Variants in GMDS observed in about 807,000 individuals in gnomAD.
GMDS encodes the protein GDP-mannose 4,6 dehydratase.
Under a neutral mutation model 49.9 loss-of-function variants are expected in GMDS, and 20 were observed. The ratio of observed to expected loss-of-function variants is 0.40; its 90% CI spans 0.28 to 0.58. The LOEUF (loss-of-function observed/expected upper bound fraction) is 0.58, where lower values mean the gene tolerates loss of function less well. Ranked by LOEUF, GMDS falls within the 20% of genes least tolerant of loss-of-function variation. The pLI, the probability that GMDS is intolerant of heterozygous loss-of-function variation, is 0.42. For missense variants in GMDS, 362 were observed against 481.4 expected (o/e 0.75, Z 2.32); for synonymous variants, 177 against 178.6 (o/e 0.99, Z 0.07).
chr6:2,024,818 CTAAGT>C (rs1192229586), intron 4 of GMDS, among the ~76,000 whole-genome samples: 5 of 151,292 alleles, frequency 3.3e-5, no homozygotes, highest in African/African-American at 1.2e-4. Flanking sequence ...AAGACAACTC[CTAAGT>C]TAAAAAAAAT....
chr6:2,066,961 A>AT (rs1232342492), intron 4 of GMDS, among the ~76,000 whole-genome samples: 102 of 151,872 alleles, frequency 6.7e-4, no homozygotes, highest in African/African-American at 2.4e-3. Context: ...CAGAATATAC[A>AT]TTTTTTTCAG....
At chr6:1,748,880 T>G (rs904268281) in intron 7 of GMDS, among the ~76,000 whole-genome samples, 18 of 152,260 alleles carry the variant, frequency 1.2e-4, no homozygotes, top group Non-Finnish European at 2.4e-4. Flanking sequence ...CCTTATGATA[T>G]GCACAATGCA....
chr6:1,912,054 C>T (rs1435680691), intron 7 of GMDS, among the ~76,000 whole-genome samples: 1 of 151,996 alleles, frequency 6.6e-6, no homozygotes, highest in Non-Finnish European at 1.5e-5. Context: ...TAGAATCGAC[C>T]ATTTCTGATC....
At chr6:1,948,825 T>G (rs1354397790) in intron 6 of GMDS, among the ~76,000 whole-genome samples, 1 of 152,248 alleles carries the variant, frequency 6.6e-6, no homozygotes, top group African/African-American at 2.4e-5. Context: ...GAATGGCTTT[T>G]CCTGTGATTC....
intron 4 of GMDS, among the ~76,000 whole-genome samples, chr6:2,059,677 C>CA (rs1168526425): frequency 1.1e-5 from 1 of 95,054 alleles, no homozygotes; most frequent in African/African-American, 4.2e-5. Flanking sequence ...CACTGCACTC[C>CA]AGCCTGGGCG....
intron 9 of GMDS, among the ~76,000 whole-genome samples, chr6:1,638,590 T>A (rs1243644214): frequency 6.7e-6 from 1 of 149,802 alleles, no homozygotes; most frequent in East Asian, 2.0e-4. Flanking sequence ...GGGGCATTAT[T>A]CAAGGAAGTA....
At chr6:1,650,707 C>T (rs991129199) in intron 9 of GMDS, among the ~76,000 whole-genome samples, 2 of 151,978 alleles carry the variant, frequency 1.3e-5, no homozygotes, top group African/African-American at 4.8e-5. Context: ...TCTCGAGTAG[C>T]TGGATTACAG....
intron 9 of GMDS, among the ~76,000 whole-genome samples, chr6:1,658,511 T>C (rs566730244): frequency 6.6e-6 from 1 of 152,354 alleles, no homozygotes; most frequent in East Asian, 1.9e-4. Flanking sequence ...CTCTCCATCA[T>C]TATGGAATGC....
chr6:1,742,891 A>T (rs1009037919), intron 7 of GMDS, among the ~76,000 whole-genome samples: 2 of 152,218 alleles, frequency 1.3e-5, no homozygotes, highest in Non-Finnish European at 2.9e-5. Flanking sequence ...TCCTCAGACC[A>T]CAACGTAGAG....
chr6:1,627,484 G>A (rs559401856), intron 9 of GMDS, among the ~76,000 whole-genome samples: 2 of 152,316 alleles, frequency 1.3e-5, no homozygotes, highest in South Asian at 4.1e-4. Flanking sequence ...TGAGGAGTGA[G>A]AGGGGAGCGT....
intron 4 of GMDS, among the ~76,000 whole-genome samples, chr6:2,059,894 T>C (rs1771043334): frequency 6.6e-6 from 1 of 151,932 alleles, no homozygotes; most frequent in Non-Finnish European, 1.5e-5. Context: ...TAAATGAAAG[T>C]AGGACTGCCC....
chr6:2,147,914 T>G (rs577434867), intron 1 of GMDS, among the ~76,000 whole-genome samples: 1 of 151,046 alleles, frequency 6.6e-6, no homozygotes, highest in Non-Finnish European at 1.5e-5. Flanking sequence ...ACAGATGTGT[T>G]GCTGACAAGT....
intron 7 of GMDS, among the ~76,000 whole-genome samples, chr6:1,913,375 C>T (rs1039069480): frequency 2.3e-5 from 3 of 130,914 alleles, no homozygotes; most frequent in African/African-American, 9.1e-5. Context: ...AGCGAGACTC[C>T]GTCTCAAACA....
chr6:1,878,821 T>A (rs1220858680), intron 7 of GMDS, among the ~76,000 whole-genome samples: 2 of 152,094 alleles, frequency 1.3e-5, no homozygotes, highest in Admixed American at 1.3e-4. Flanking sequence ...GGGTGAAGAT[T>A]TTCCCAGCAG....
Position 1,640,762 on chromosome 6 carries a change from C to T in GMDS, c.988-16222G>A, listed in dbSNP as rs1299272439. On this transcript the variant is annotated intron_variant, in intron 9 of 10. Transcript: ENST00000380815. This position sits in a 1 kb window ranked among gnomAD's most constrained non-coding sequence, Gnocchi z 4.0. Reference sequence around the variant, plus strand: ...GGGGCACTGTCAGTAAACAGGCAATCAAGGAAACAATCAGGTGGTTACAAG... The same window carrying T: ...GGGGCACTGTCAGTAAACAGGCAATTAAGGAAACAATCAGGTGGTTACAAG... Among the ~76,000 whole-genome samples, 1 of 152,074 alleles carries T rather than the reference C, an allele frequency of 6.6e-6. No homozygotes were observed. The highest frequency in any genetic ancestry group is 6.5e-5 in the Admixed American group (1 of 15,274).
intron 9 of GMDS, among the ~76,000 whole-genome samples, chr6:1,704,254 TG>T (rs1436718925): frequency 7.1e-6 from 1 of 140,292 alleles, no homozygotes; most frequent in Non-Finnish European, 1.5e-5. Context: ...ACCGCAGGGG[TG>T]GGGGCAGCCT....
intron 7 of GMDS, among the ~76,000 whole-genome samples, chr6:1,793,594 C>A (rs995092481): frequency 6.6e-6 from 1 of 152,122 alleles, no homozygotes; most frequent in African/African-American, 2.4e-5. Context: ...GACTGGAGTA[C>A]CTTGTGTACA....
intron 7 of GMDS, among the ~76,000 whole-genome samples, chr6:1,914,322 G>C (rs1005142513): frequency 4.0e-5 from 6 of 151,138 alleles, no homozygotes; most frequent in Admixed American, 2.0e-4. Context: ...CTGGCGTGGT[G>C]GTGGGCGCCT....
intron 1 of GMDS, among the ~76,000 whole-genome samples, chr6:2,229,347 G>A (rs898011515): frequency 1.4e-5 from 2 of 140,894 alleles, no homozygotes; most frequent in African/African-American, 2.7e-5. Context: ...CAAGATAGGA[G>A]AATCACTTGA....
Sources: gnomAD v4.1 joint callset for allele counts (sites outside exome capture counted in the v4.1 genomes callset) on GRCh38, gnomAD v4.1.1 for gene constraint, Gnocchi (gnomAD v3.1) non-coding constraint, MANE v1.5 for transcripts, NCBI Gene and HGNC (gene_info 2026-07-23, HGNC 2026-07-21) for gene names.